PTBP3: variants seen among roughly 807,000 people sequenced by gnomAD.
The protein encoded by PTBP3 is polypyrimidine tract binding protein 3.
A neutral mutation model predicts 58.7 loss-of-function variants in PTBP3; 20 were observed. The ratio of observed to expected loss-of-function variants is 0.34; its 90% confidence interval spans 0.24 to 0.50. The LOEUF (loss-of-function observed/expected upper bound fraction) is 0.50. PTBP3 is among the 20% of genes least tolerant of loss of function. The probability of loss-of-function intolerance (pLI) is 0.98; values close to 1 mark genes in which losing one functional copy is unlikely to be tolerated. For synonymous variants in PTBP3, 185 were observed against 219.8 expected (o/e 0.84, Z 1.40); for missense variants, 509 against 637.2 (o/e 0.80, Z 2.17).
the PTBP3 span, among the ~76,000 whole-genome samples, chr9:112,355,621 C>CTTTT: frequency 1.1e-3 from 142 of 127,796 alleles, no homozygotes; most frequent in African/African-American, 1.8e-3. Context: ...AACTCTTTTT[C>CTTTT]TTTTTTTTTT....
intron 2 of PTBP3, among the ~76,000 whole-genome samples, chr9:112,283,782 G>A (rs544426905): frequency 5.3e-5 from 8 of 152,320 alleles, no homozygotes; most frequent in East Asian, 1.9e-4. Flanking sequence ...AGAAAACAAC[G>A]GTTTCACGGG....
At chr9:112,266,986 T>C (rs1281524704) in intron 4 of PTBP3, among the ~76,000 whole-genome samples, 3 of 152,156 alleles carry the variant, frequency 2.0e-5, no homozygotes, top group African/African-American at 7.2e-5. Flanking sequence ...TTGCCTAAAA[T>C]AAGTTAAGGA....
intron 12 of PTBP3, among the ~76,000 whole-genome samples, chr9:112,224,804 T>C (rs1230674890): frequency 2.6e-5 from 4 of 152,232 alleles, no homozygotes; most frequent in African/African-American, 7.2e-5. Flanking sequence ...GTTTCTACTA[T>C]GTCCTCTCCT....
the PTBP3 span, among the ~76,000 whole-genome samples, chr9:112,363,774 C>T: frequency 6.6e-6 from 1 of 152,132 alleles, no homozygotes; most frequent in African/African-American, 2.4e-5. Flanking sequence ...AGAGTTTCCA[C>T]ATACTCCCTC....
At chr9:112,346,511 G>GA in the PTBP3 span, among the ~76,000 whole-genome samples, 4 of 152,064 alleles carry the variant, frequency 2.6e-5, no homozygotes, top group Non-Finnish European at 4.4e-5. Context: ...GCATTTAGGG[G>GA]AAAAAAATGG....
chr9:112,368,845 C>G, the PTBP3 span, among the ~76,000 whole-genome samples: 2 of 152,178 alleles, frequency 1.3e-5, no homozygotes, highest in African/African-American at 2.4e-5. Flanking sequence ...GCAGTCCCTC[C>G]CATCACAAGC....
chr9:112,234,747 T>C, intron 8 of PTBP3, 73 bp downstream of exon 8: 1 of 1,373,938 alleles, frequency 7.3e-7, no homozygotes, highest in Non-Finnish European at 1.0e-6. Flanking sequence ...GATAACATTC[T>C]TCATCTTGGT....
intron 2 of PTBP3, among the ~76,000 whole-genome samples, chr9:112,290,701 T>TACACACACACACACACAC (rs1376874308): frequency 1.1e-4 from 7 of 64,810 alleles, no homozygotes; most frequent in East Asian, 9.5e-4. Flanking sequence ...TATATATATA[T>TACACACACACACACACAC]ATATATACAC....
At chr9:112,320,821 G>A (rs770868287) in intron 1 of PTBP3, among the ~76,000 whole-genome samples, 14 of 152,054 alleles carry the variant, frequency 9.2e-5, no homozygotes, top group Middle Eastern at 3.2e-3. Flanking sequence ...AAATGGTGCC[G>A]AACTACCTGG....
At chr9:112,276,714 C>T (rs886442366) in intron 2 of PTBP3, among the ~76,000 whole-genome samples, 11 of 151,926 alleles carry the variant, frequency 7.2e-5, no homozygotes, top group African/African-American at 2.7e-4. Flanking sequence ...TTCTATTTAC[C>T]CTGAAGTTGG....
chr9:112,253,933 C>T (rs570030370), intron 5 of PTBP3, among the ~76,000 whole-genome samples: 1 of 152,212 alleles, frequency 6.6e-6, no homozygotes, highest in South Asian at 2.1e-4. Context: ...TGAAAATGAA[C>T]TAATATTCAC....
chr9:112,261,062 A>T (rs1836574056), intron 5 of PTBP3, among the ~76,000 whole-genome samples: 1 of 152,220 alleles, frequency 6.6e-6, no homozygotes, highest in South Asian at 2.1e-4. Context: ...ATGTTACAGT[A>T]GCAACCCCGG....
intron 3 of PTBP3, among the ~76,000 whole-genome samples, chr9:112,272,078 TA>T (rs142937443): frequency 0.038 from 5,564 of 147,200 alleles, 212 homozygotes; most frequent in African/African-American, 0.1. Flanking sequence ...TTTTATTTTT[TA>T]TTTTTTTTTT....
intron 1 of PTBP3, among the ~76,000 whole-genome samples, chr9:112,306,719 G>A (rs935177210): frequency 6.8e-4 from 104 of 151,830 alleles, no homozygotes; most frequent in African/African-American, 2.3e-3. Flanking sequence ...GGGTTCAAGC[G>A]ATTCTCCTGC....
Position 112,232,137 on chromosome 9 carries a change from C to T in PTBP3, c.982G>A (p.Gly328Arg). The change falls in exon 9 of 14, where the codon GGA becomes AGA. Residue 328 changes from glycine (G) to arginine (R), a missense_variant. By Grantham distance (125) the Gly-to-Arg change is moderately radical. Coordinates refer to ENST00000374257, the MANE Select transcript of PTBP3 (RefSeq NM_001163788.4). ...MAIPGASGIP[G>R]NSVLLVTNLN... ...TTTGTGACGAGTAGAACAGAATTTC[C>T]TGGTATACCACTAGCCCCAGGAATG... The T allele has an allele frequency of 6.2e-7, 1 of 1,613,100 alleles. No individual in the cohort carries two copies. The highest frequency in any genetic ancestry group is 8.5e-7 in the Non-Finnish European group (1 of 1,179,702).
chr9:112,326,975 T>C (rs887246271), intron 1 of PTBP3, among the ~76,000 whole-genome samples: 16 of 152,138 alleles, frequency 1.1e-4, no homozygotes, highest in African/African-American at 3.6e-4. Flanking sequence ...CCTAGCACTT[T>C]AGGAGGCTGA....
rs146583507 is a variant in PTBP3, at chr9:112,302,667, C to T, written c.-51-4751G>A. ...ACAGTGACACGATCTTAGCTCACTG[C>T]AACCTCCGCCTCCCAGGTTCCAATG... On this transcript the variant is annotated intron_variant, in intron 1 of 13. Transcript: ENST00000374257. 8.6e-3 allele frequency among the ~76,000 whole-genome samples: 1,267 copies of T among 147,240 alleles called. 21 individuals are homozygous for T. Among genetic ancestry groups the T allele is most frequent in the African/African-American group, 0.03 (1,210 of 40,182 alleles).
At position 112,222,173 on chromosome 9, in the gene PTBP3, C is replaced by T; in HGVS notation, c.*1678G>A. The T allele has an allele frequency of 1.0e-6, 1 of 985,252 alleles. No homozygotes were observed. The highest frequency in any genetic ancestry group is 1.7e-5 in the African/African-American group (1 of 57,308). 61.0% of individuals were successfully genotyped at this position (985,252 alleles called of 1,614,324 possible). On this transcript the variant is annotated 3_prime_UTR_variant, in exon 14 of 14. Transcript: ENST00000374257. ...ATCTGAAAAGTGTAAAAGGGGTAGA[C>T]AAAAAAATGACCCTTTTGACAAATT...
intron 5 of PTBP3, among the ~76,000 whole-genome samples, chr9:112,260,367 T>C (rs1209902837): frequency 1.3e-5 from 2 of 152,244 alleles, no homozygotes; most frequent in African/African-American, 4.8e-5. Context: ...CCCAAGGCTA[T>C]AGAGGCAGTA....
Sources: allele counts gnomAD v4.1 joint callset (sites outside exome capture counted in the v4.1 genomes callset), GRCh38; gene constraint gnomAD v4.1.1; transcripts MANE v1.5; gene names NCBI Gene and HGNC (gene_info 2026-07-23, HGNC 2026-07-21).